Variants in PAX2 observed in about 807,000 individuals in gnomAD.
PAX2 encodes paired box protein Pax-2.
A neutral mutation model predicts 41.7 loss-of-function variants in PAX2; 9 were observed. That is an observed-to-expected ratio of 0.22 (90% confidence interval 0.13 to 0.38). The LOEUF is 0.38. Among genes scored for constraint, PAX2 ranks in the 10% least tolerant of loss-of-function variants. The probability of loss-of-function intolerance (pLI) is 1.00; values close to 1 mark genes in which losing one functional copy is unlikely to be tolerated. For synonymous variants in PAX2, 221 were observed against 212.7 expected (o/e 1.04, Z -0.34); for missense variants, 418 against 531.6 (o/e 0.79, Z 2.10).
chr10:100,753,078 G>A (rs1845498903), intron 3 of PAX2, among the ~76,000 whole-genome samples: 1 of 152,332 alleles, frequency 6.6e-6, no homozygotes, highest in South Asian at 2.1e-4. Context: ...TGGAGAAATA[G>A]CCATCTGTGG....
chr10:100,770,975 C>G (rs1846189023), intron 3 of PAX2, among the ~76,000 whole-genome samples: 1 of 152,194 alleles, frequency 6.6e-6, no homozygotes, highest in South Asian at 2.1e-4. Context: ...ATGGTTTCTT[C>G]ACCTCCTGGC....
intron 1 of PAX2, chr10:100,749,083 G>T (rs1845330233): frequency 1.0e-6 from 1 of 985,380 alleles, no homozygotes; most frequent in South Asian, 4.7e-5. Flanking sequence ...GTGAAAGAGA[G>T]ATACGGTCCC....
chr10:100,748,454 A>G lies in PAX2; in HGVS notation c.44-1292A>G. ...CCGAGAAAGGGAGGGGAGAGAAATG[A>G]GGGGGGCACAGATGTCCCCGCTTTC... On this transcript the variant is annotated intron_variant, in intron 1 of 9. Transcript: ENST00000355243. This position sits in a 1 kb window ranked among gnomAD's most constrained non-coding sequence, Gnocchi z 5.0. The G allele has an allele frequency of 1.0e-6, 1 of 984,430 alleles. No individual in the cohort carries two copies. 61.0% of individuals were successfully genotyped at this position (984,430 alleles called of 1,614,324 possible). A position where few individuals can be genotyped will look rare whatever the true frequency, so the allele number is the denominator to read the frequency against.
At chr10:100,823,112 C>T (rs1848424239) in intron 7 of PAX2, among the ~76,000 whole-genome samples, 1 of 151,270 alleles carries the variant, frequency 6.6e-6, no homozygotes, top group Admixed American at 6.6e-5. Context: ...CAGACATTGC[C>T]AAGGAGAATT....
rs1326028457 is a variant in PAX2 at position 100,748,361 on chromosome 10, C to T, written c.44-1385C>T. 1.0e-6 allele frequency: 1 copy of T among 983,892 alleles called. No homozygotes were observed. Among genetic ancestry groups the T allele is most frequent in the Non-Finnish European group, 1.2e-6 (1 of 828,942 alleles). 60.9% of individuals were successfully genotyped at this position (983,892 alleles called of 1,614,324 possible). ...GGCAAGGGGGTAAAAGAAGGGGCTT[C>T]AGTCTCTCCCAGCAACGCGATCAGA... On this transcript the variant is annotated intron_variant, in intron 1 of 9. Transcript: ENST00000355243. This position sits in a 1 kb window ranked among gnomAD's most constrained non-coding sequence, Gnocchi z 5.0.
At position 100,749,751 on chromosome 10, in the gene PAX2, C is replaced by T; in HGVS notation, c.49C>T (p.His17Tyr). The change falls in exon 2 of 10, where the codon CAC becomes TAC. Residue 17 changes from histidine (H) to tyrosine (Y), a missense_variant. This residue lies in a region of PAX2 where 108 missense variants were observed against 206.3 expected (regional missense o/e 0.52). Coordinates refer to ENST00000355243, the MANE Select transcript of PAX2 (RefSeq NM_000278.5). ...TTTTTCTTGTCTCTCCCCAGCAGGG[C>T]ACGGGGGTGTGAACCAGCTCGGGGG... ...ADPFSAMHPG[H>Y]GGVNQLGGVF... 6.2e-7 allele frequency: 1 copy of T among 1,610,316 alleles called. No homozygotes were observed. Among genetic ancestry groups the T allele is most frequent in the Non-Finnish European group, 8.5e-7 (1 of 1,177,732 alleles).
At chr10:100,736,192 C>T (rs1386475963) in intron 1 of PAX2, among the ~76,000 whole-genome samples, 1 of 152,134 alleles carries the variant, frequency 6.6e-6, no homozygotes, top group Non-Finnish European at 1.5e-5. Context: ...ATTATGAACA[C>T]TAATGTAGAT....
chr10:100,779,425 G>A, intron 3 of PAX2, 73 bp from the exon 4 acceptor site: 2 of 1,283,736 alleles, frequency 1.6e-6, no homozygotes, highest in Non-Finnish European at 2.2e-6. Context: ...GAGCCCCTTT[G>A]CAGGGCTGGG....
chr10:100,750,950 G>T lies in PAX2; in HGVS notation c.410+59G>T. The T allele has an allele frequency of 7.6e-7, 1 of 1,314,574 alleles. No homozygotes were observed. Among genetic ancestry groups the T allele is most frequent in the South Asian group, 1.2e-5 (1 of 85,234 alleles). The allele number at this position is 1,314,574 out of a possible 1,614,324, so 81.4% of individuals were successfully genotyped here. A position where few individuals can be genotyped will look rare whatever the true frequency, so the allele number is the denominator to read the frequency against. ...TCCAGCTCCTGGCTCCTGCCTGCAG[G>T]GGTGTCCCACGCCCAGTCTCTGCTC... is the stretch of plus-strand genomic sequence containing the variant. On this transcript the variant is annotated intron_variant, in intron 3 of 9. Transcript: ENST00000355243. The surrounding 1 kb of genome is among the most constrained non-coding windows in gnomAD (Gnocchi z 4.1).
In PAX2 at chr10:100,746,250, T is replaced by C; in HGVS notation, c.-11T>C. On this transcript the variant is annotated 5_prime_UTR_variant, in exon 1 of 10. Transcript: ENST00000355243. ...GCGGCGGCCGCGCTGCTCCCGCTCC[T>C]CTGCCTCCCCATGGATATGCACTGC... 1.2e-6 allele frequency: 2 copies of C among 1,613,318 alleles called. No individual in the cohort carries two copies. Among genetic ancestry groups the C allele is most frequent in the Non-Finnish European group, 8.5e-7 (1 of 1,179,656 alleles).
chr10:100,784,354 T>C (rs1317265567), intron 5 of PAX2, among the ~76,000 whole-genome samples: 1 of 152,146 alleles, frequency 6.6e-6, no homozygotes, highest in South Asian at 2.1e-4. Context: ...CTAAGGGGTG[T>C]TGGGATGGGA....
upstream of PAX2, among the ~76,000 whole-genome samples, chr10:100,742,459 T>C (rs914983603): frequency 6.7e-6 from 1 of 149,318 alleles, no homozygotes; most frequent in Non-Finnish European, 1.5e-5. Context: ...GGAGGCAAGG[T>C]TGGGGGCCGC....
chr10:100,811,374 A>G (rs1412395871), intron 7 of PAX2, among the ~76,000 whole-genome samples: 1 of 152,268 alleles, frequency 6.6e-6, no homozygotes, highest in Admixed American at 6.5e-5. Flanking sequence ...TATGGGGACA[A>G]ACAGAATTTG....
chr10:100,820,274 G>T (rs578239652), intron 7 of PAX2, among the ~76,000 whole-genome samples: 15 of 152,306 alleles, frequency 9.8e-5, no homozygotes, highest in African/African-American at 3.1e-4. Context: ...TTAAAAGGCA[G>T]TGTGGTATAA....
At chr10:100,819,715 T>C (rs1216658431) in intron 7 of PAX2, among the ~76,000 whole-genome samples, 1 of 152,190 alleles carries the variant, frequency 6.6e-6, no homozygotes, top group Non-Finnish European at 1.5e-5. Context: ...CTGGCCCAAG[T>C]AGAAACACAG....
At chr10:100,788,419 A>G (rs995699809) in intron 5 of PAX2, among the ~76,000 whole-genome samples, 1 of 152,186 alleles carries the variant, frequency 6.6e-6, no homozygotes, top group South Asian at 2.1e-4. Flanking sequence ...GCAGGCAAGG[A>G]GGACCCCGAG....
At chr10:100,802,505 A>T (rs1847599456) in intron 5 of PAX2, among the ~76,000 whole-genome samples, 1 of 152,176 alleles carries the variant, frequency 6.6e-6, no homozygotes, top group African/African-American at 2.4e-5. Context: ...AGCAGTGGGG[A>T]TAGCACATCT....
chr10:100,792,837 C>T (rs1447139860), intron 5 of PAX2, among the ~76,000 whole-genome samples: 2 of 152,124 alleles, frequency 1.3e-5, no homozygotes, highest in Non-Finnish European at 2.9e-5. Context: ...CCAGCCCTGG[C>T]GGTGTGGCAG....
intron 5 of PAX2, among the ~76,000 whole-genome samples, chr10:100,789,657 A>G (rs1462401921): frequency 6.6e-6 from 1 of 152,252 alleles, no homozygotes; most frequent in Non-Finnish European, 1.5e-5. Flanking sequence ...ACTTAGTCCA[A>G]GAAAGAGCTG....
Sources: gnomAD v4.1 joint callset for allele counts (sites outside exome capture counted in the v4.1 genomes callset) on GRCh38, gnomAD v4.1.1 for gene constraint, gnomAD v4.1.1 regional missense constraint, Gnocchi (gnomAD v3.1) non-coding constraint, MANE v1.5 for transcripts, NCBI Gene and HGNC (gene_info 2026-07-23, HGNC 2026-07-21) for gene names.